Variants in BLTP2 observed in about 807,000 individuals in gnomAD.
BLTP2 encodes the protein bridge-like lipid transfer protein family member 2.
At chr17:28,635,208 T>C in the BLTP2 span, 4 of 1,613,844 alleles carry the variant, frequency 2.5e-6, no homozygotes, top group African/African-American at 5.3e-5. Context: ...CCAGCTCAGG[T>C]AGCAGCTGCA....
chr17:28,629,922 T>G, the BLTP2 span, among the ~76,000 whole-genome samples: 1 of 152,016 alleles, frequency 6.6e-6, no homozygotes, highest in Admixed American at 6.5e-5. Flanking sequence ...GCCTTAATGG[T>G]GCAATCCTGG....
the BLTP2 span, among the ~76,000 whole-genome samples, chr17:28,617,857 G>A: frequency 1.8e-3 from 268 of 151,886 alleles, 3 homozygotes; most frequent in African/African-American, 5.7e-3. Context: ...TCTCCTTCCT[G>A]GGTTCAAGCG....
the BLTP2 span, chr17:28,634,711 A>T: frequency 6.2e-7 from 1 of 1,614,044 alleles, no homozygotes; most frequent in Non-Finnish European, 8.5e-7. Flanking sequence ...TGCCCGGCGC[A>T]TGGGTGTGTT....
At chr17:28,614,951 G>T in the BLTP2 span, 1 of 963,438 alleles carries the variant, frequency 1.0e-6, no homozygotes, top group Non-Finnish European at 1.6e-6. Context: ...TGATGCCTAT[G>T]GGCTCTGACA....
the BLTP2 span, chr17:28,639,242 G>C: frequency 6.8e-7 from 1 of 1,480,990 alleles, no homozygotes; most frequent in Non-Finnish European, 9.4e-7. Context: ...TTTAACACAG[G>C]ATGCCAATTT....
the BLTP2 span, chr17:28,632,995 C>T: frequency 8.9e-6 from 14 of 1,569,344 alleles, no homozygotes; most frequent in African/African-American, 8.2e-5. Context: ...GTTCTCCGAG[C>T]GAAAGGCCCG....
At chr17:28,636,986 G>C in the BLTP2 span, 1 of 1,614,138 alleles carries the variant, frequency 6.2e-7, no homozygotes, top group Non-Finnish European at 8.5e-7. Flanking sequence ...GGATGCTGCT[G>C]TGATAGGTGA....
At chr17:28,616,213 A>G in the BLTP2 span, 1 of 1,610,858 alleles carries the variant, frequency 6.2e-7, no homozygotes. The surrounding 1 kb of genome is among the most constrained non-coding windows in gnomAD (Gnocchi z 4.8). Context: ...AAAGGCAGGC[A>G]AGGAGTGTGA....
chr17:28,634,617 C>T, the BLTP2 span: 195 of 1,614,208 alleles, frequency 1.2e-4, no homozygotes, highest in Non-Finnish European at 1.5e-4. Context: ...GCTCTTGAAC[C>T]TGTTCTACCA....
the BLTP2 span, chr17:28,643,009 G>T: frequency 2.0e-6 from 3 of 1,525,336 alleles, no homozygotes; most frequent in African/African-American, 1.4e-5. Context: ...AAGCAAGGAT[G>T]AACAATAATT....
At chr17:28,643,460 C>A in the BLTP2 span, 1 of 1,343,790 alleles carries the variant, frequency 7.4e-7, no homozygotes, top group Non-Finnish European at 1.1e-6. Flanking sequence ...ATCTTCCTCA[C>A]AACACAATGG....
At chr17:28,623,839 C>A in the BLTP2 span, 7 of 1,614,090 alleles carry the variant, frequency 4.3e-6, no homozygotes, top group African/African-American at 6.7e-5. Context: ...ATCCAAGAGG[C>A]AAGTCCAGGA....
At chr17:28,635,794 GAT>G in the BLTP2 span, 1,098 of 577,280 alleles carry the variant, frequency 1.9e-3, 3 homozygotes, top group Non-Finnish European at 2.7e-3. Context: ...GCTGACAGTT[GAT>G]AGTGTCTGAC....
At chr17:28,620,557 G>T in the BLTP2 span, 4 of 1,614,174 alleles carry the variant, frequency 2.5e-6, no homozygotes, top group Non-Finnish European at 3.4e-6. Context: ...CAATGTCCAG[G>T]ATCATGGCAT....
At chr17:28,632,661 G>A in the BLTP2 span, among the ~76,000 whole-genome samples, 1 of 152,112 alleles carries the variant, frequency 6.6e-6, no homozygotes, top group Admixed American at 6.5e-5. Flanking sequence ...GAATCTATCA[G>A]CTCTTTTTGA....
chr17:28,635,594 C>T, the BLTP2 span: 1 of 1,612,602 alleles, frequency 6.2e-7, no homozygotes, highest in Non-Finnish European at 8.5e-7. Flanking sequence ...AAGGTCAGCC[C>T]TGCACCACAC....
chr17:28,644,929 C>T, the BLTP2 span: 7 of 1,441,574 alleles, frequency 4.9e-6, no homozygotes, highest in Admixed American at 2.0e-5. Context: ...CTTTCTTCCT[C>T]CTCTCCGCCC....
chr17:28,615,627 C>T, the BLTP2 span: 2 of 1,597,258 alleles, frequency 1.3e-6, no homozygotes, highest in Non-Finnish European at 1.7e-6. Context: ...GCCTGCCAGC[C>T]CCATTAGCCA....
the BLTP2 span, chr17:28,642,767 T>C: frequency 1.4e-6 from 1 of 720,482 alleles, no homozygotes; most frequent in African/African-American, 1.8e-5. Flanking sequence ...TAGCATCTCC[T>C]CCAACTGCAC....
Sources: allele counts gnomAD v4.1 joint callset (sites outside exome capture counted in the v4.1 genomes callset), GRCh38; gene constraint gnomAD v4.1.1; non-coding constraint Gnocchi (gnomAD v3.1); transcripts MANE v1.5; gene names NCBI Gene and HGNC (gene_info 2026-07-23, HGNC 2026-07-21).